The following CSMD3 variants were observed in gnomAD, a reference collection of about 807,000 sequenced individuals.
CSMD3 encodes the protein CUB and Sushi multiple domains 3.
In CSMD3, 177 loss-of-function variants were observed where a neutral mutation model predicts 435.2. The observed-to-expected ratio is 0.41, with a 90% CI of 0.36 to 0.46. CSMD3 has a LOEUF of 0.46. Ranked by LOEUF, CSMD3 falls within the 20% of genes least tolerant of loss-of-function variation. CSMD3 has a pLI of 0.34. For missense variants in CSMD3, 4,265 were observed against 4,504.6 expected, an observed-to-expected ratio of 0.95 and a Z score of 1.52; for synonymous variants, 1,656 against 1,520.5, an observed-to-expected ratio of 1.09 and a Z score of -2.07.
intron 11 of CSMD3, among the ~76,000 whole-genome samples, chr8:112,835,180 G>A (rs1267814681): frequency 6.6e-6 from 1 of 151,724 alleles, no homozygotes; most frequent in African/African-American, 2.4e-5. Flanking sequence ...TTAAATACTT[G>A]GTAGATCCAT....
intron 15 of CSMD3, among the ~76,000 whole-genome samples, chr8:112,684,610 G>A (rs1364537940): frequency 6.6e-6 from 1 of 152,066 alleles, no homozygotes; most frequent in African/African-American, 2.4e-5. Context: ...TAGTATCTAA[G>A]TGTTATTAAT....
intron 7 of CSMD3, among the ~76,000 whole-genome samples, chr8:112,955,334 T>C (rs2083976529): frequency 6.6e-6 from 1 of 151,754 alleles, no homozygotes; most frequent in Non-Finnish European, 1.5e-5. Context: ...GCACAAAATG[T>C]ATGAAAGTGA....
At chr8:113,006,806 A>C (rs549369644) in intron 6 of CSMD3, among the ~76,000 whole-genome samples, 1 of 152,078 alleles carries the variant, frequency 6.6e-6, no homozygotes, top group African/African-American at 2.4e-5. Flanking sequence ...CAAGGGACTA[A>C]TTCGGGCAAG....
intron 10 of CSMD3, among the ~76,000 whole-genome samples, chr8:112,883,712 T>G (rs898066292): frequency 6.6e-6 from 1 of 151,950 alleles, no homozygotes; most frequent in African/African-American, 2.4e-5. Flanking sequence ...GCTGTACCAG[T>G]CTTTATTGGA....
chr8:113,400,658 A>T lies in CSMD3; in HGVS notation c.178+36019T>A, dbSNP rs555392191. On this transcript the variant is annotated intron_variant, in intron 1 of 70. Transcript: ENST00000297405. ...ATAGCAATAGCTATCCAATTATTTCATGAGGATATTGTCTCTGTAAGTTAA... is the reference window on the plus strand; with the variant it reads ...ATAGCAATAGCTATCCAATTATTTCTTGAGGATATTGTCTCTGTAAGTTAA... Among the ~76,000 whole-genome samples, 6 of 152,070 alleles carry T rather than the reference A, an allele frequency of 3.9e-5. No homozygotes were observed. In the East Asian group the frequency reaches 1.2e-3, roughly 29 times the overall value.
At chr8:113,427,621 A>G (rs2094643638) in intron 1 of CSMD3, among the ~76,000 whole-genome samples, 1 of 151,624 alleles carries the variant, frequency 6.6e-6, no homozygotes, top group Non-Finnish European at 1.5e-5. Context: ...TTATGTGAAG[A>G]TACACAGCTA....
At chr8:112,278,373 T>A (rs1586631262) in intron 59 of CSMD3, among the ~76,000 whole-genome samples, 1 of 152,190 alleles carries the variant, frequency 6.6e-6, no homozygotes, top group African/African-American at 2.4e-5. Flanking sequence ...TAGATCTAAG[T>A]CAGAAGTATT....
chr8:112,848,338 A>G (rs2080387563), intron 11 of CSMD3, among the ~76,000 whole-genome samples: 1 of 152,156 alleles, frequency 6.6e-6, no homozygotes, highest in African/African-American at 2.4e-5. Context: ...TTTGCTATTC[A>G]TTGTGCACTC....
intron 19 of CSMD3, among the ~76,000 whole-genome samples, chr8:112,646,142 T>A (rs1221455912): frequency 6.6e-6 from 1 of 152,176 alleles, no homozygotes; most frequent in African/African-American, 2.4e-5. Context: ...TAACATGATA[T>A]GAATTTGTAT....
chr8:112,251,330 T>A (rs952106626), intron 63 of CSMD3, among the ~76,000 whole-genome samples: 1 of 151,646 alleles, frequency 6.6e-6, no homozygotes, highest in African/African-American at 2.4e-5. Flanking sequence ...TTAAAATAAA[T>A]AAAATTGACA....
chr8:112,937,103 G>T (rs1009703811), intron 9 of CSMD3, among the ~76,000 whole-genome samples: 21 of 152,040 alleles, frequency 1.4e-4, no homozygotes, highest in African/African-American at 4.8e-4. Flanking sequence ...TTTTAAGTTT[G>T]CCTACCCAAC....
chr8:113,178,964 G>C (rs1377724774), intron 3 of CSMD3, among the ~76,000 whole-genome samples: 3 of 151,798 alleles, frequency 2.0e-5, no homozygotes, highest in Non-Finnish European at 4.4e-5. Flanking sequence ...CTTTTTAAAA[G>C]AGTAATTGAG....
chr8:112,527,214 G>C (rs1024068167), intron 27 of CSMD3, among the ~76,000 whole-genome samples: 2 of 151,644 alleles, frequency 1.3e-5, no homozygotes, highest in Non-Finnish European at 2.9e-5. Flanking sequence ...TTTACTAGTA[G>C]TCTACTTTAA....
Position 112,408,414 on chromosome 8 carries a change from C to T in CSMD3, c.5510-1G>A. On this transcript the variant is annotated splice_acceptor_variant, in intron 33 of 70. Coordinates refer to ENST00000297405, the MANE Select transcript of CSMD3 (RefSeq NM_198123.2). LOFTEE classifies it high-confidence loss of function. ...CCTGAACTCAGTGGAAGTGATTCTCCTACTCAACAAAACAAACACTAAGAT... is the reference window on the plus strand; with the variant it reads ...CCTGAACTCAGTGGAAGTGATTCTCTTACTCAACAAAACAAACACTAAGAT... 6.3e-7 allele frequency: 1 copy of T among 1,582,584 alleles called. No individual in the cohort carries two copies. The highest frequency in any genetic ancestry group is 8.7e-7 in the Non-Finnish European group (1 of 1,152,044).
chr8:113,315,164 C>A (rs2093899793), intron 1 of CSMD3, among the ~76,000 whole-genome samples: 1 of 152,130 alleles, frequency 6.6e-6, no homozygotes, highest in South Asian at 2.1e-4. Flanking sequence ...ACAACACTGA[C>A]ATTTTAAAGA....
chr8:112,376,729 T>C (rs1473782748), intron 38 of CSMD3, among the ~76,000 whole-genome samples: 1 of 152,194 alleles, frequency 6.6e-6, no homozygotes, highest in African/African-American at 2.4e-5. Flanking sequence ...CAACATTATA[T>C]GTCCATTATC....
intron 13 of CSMD3, among the ~76,000 whole-genome samples, chr8:112,704,631 T>G (rs1283399720): frequency 2.0e-5 from 3 of 152,084 alleles, no homozygotes; most frequent in Non-Finnish European, 4.4e-5. Flanking sequence ...AAGACTCTGC[T>G]TAATAATTGT....
chr8:112,561,041 A>C (rs1465935966), intron 24 of CSMD3, among the ~76,000 whole-genome samples: 1 of 151,688 alleles, frequency 6.6e-6, no homozygotes, highest in South Asian at 2.1e-4. Context: ...AATTAAGACA[A>C]TTTATAATAT....
Position 113,303,492 on chromosome 8 carries a change from T to C in CSMD3, c.401+11079A>G, listed in dbSNP as rs1490294442. ...CAAAAGAACAAAGCTGGAGGCATCA[T>C]GCTACCTGACTTCAAACTATACTAC... On this transcript the variant is annotated intron_variant, in intron 2 of 70. Transcript: ENST00000297405. Among the ~76,000 whole-genome samples the C allele has an allele frequency of 1.2e-4, 18 of 151,770 alleles. No individual in the cohort carries two copies. The East Asian group carries it at 2.6e-3, about 22-fold the overall frequency.
Sources: allele counts gnomAD v4.1 joint callset (sites outside exome capture counted in the v4.1 genomes callset), GRCh38; gene constraint gnomAD v4.1.1; transcripts MANE v1.5; gene names NCBI Gene and HGNC (gene_info 2026-07-23, HGNC 2026-07-21).